The following TRHDE variants were observed in gnomAD, a reference collection of about 807,000 sequenced individuals.
TRHDE encodes the protein thyrotropin releasing hormone degrading enzyme.
In TRHDE, 72 loss-of-function variants were observed where a neutral mutation model predicts 125.7. The observed-to-expected ratio is 0.57, with a 90% CI of 0.47 to 0.70. TRHDE has a LOEUF of 0.70. Ranked by LOEUF, TRHDE falls within the 30% of genes least tolerant of loss-of-function variation. The pLI, the probability that TRHDE is intolerant of heterozygous loss-of-function variation, is 0.00. For missense variants in TRHDE, 1,110 were observed against 1,327.1 expected, an observed-to-expected ratio of 0.84 and a Z score of 2.54; for synonymous variants, 509 against 509.1, an observed-to-expected ratio of 1.00 and a Z score of 0.00.
intron 15 of TRHDE, among the ~76,000 whole-genome samples, chr12:72,639,018 A>C (rs1408697579): frequency 6.7e-6 from 1 of 150,304 alleles, no homozygotes; most frequent in Non-Finnish European, 1.5e-5. Flanking sequence ...TCTTTGTGGC[A>C]TTCTCTGTAT....
intron 5 of TRHDE, among the ~76,000 whole-genome samples, chr12:72,478,753 G>A (rs1486648938): frequency 6.6e-6 from 1 of 151,978 alleles, no homozygotes; most frequent in East Asian, 1.9e-4. Flanking sequence ...TGTACACTGA[G>A]TATATGCTTG....
chr12:72,620,338 C>CAAAAAA (rs3080963), intron 13 of TRHDE, among the ~76,000 whole-genome samples: 7 of 67,476 alleles, frequency 1.0e-4, no homozygotes, highest in Admixed American at 1.7e-4. Context: ...CCCATCTCTA[C>CAAAAAA]AAAAAAAAAA....
intron 15 of TRHDE, among the ~76,000 whole-genome samples, chr12:72,650,280 A>G (rs768024967): frequency 1.3e-5 from 2 of 152,126 alleles, no homozygotes; most frequent in Admixed American, 6.6e-5. Context: ...CCAGTCACAG[A>G]AAGACAGTTA....
At chr12:72,148,107 G>A (rs900445124) in intron 2 of TRHDE, among the ~76,000 whole-genome samples, 1 of 152,174 alleles carries the variant, frequency 6.6e-6, no homozygotes, top group African/African-American at 2.4e-5. Context: ...TTTTAGATGT[G>A]ACAAAAAGAT....
chr12:72,669,472 C>T lies in TRHDE; in HGVS notation c.*6277C>T, dbSNP rs553830602. On this transcript the variant is annotated 3_prime_UTR_variant, in exon 19 of 19. Coordinates refer to ENST00000261180, the MANE Select transcript of TRHDE (RefSeq NM_013381.3). Reference sequence around the variant, plus strand: ...CATATAAGTAAAGGAAAGAGTGAAACGTTTTATAGAAAATATTACAGTGGA... The same window carrying T: ...CATATAAGTAAAGGAAAGAGTGAAATGTTTTATAGAAAATATTACAGTGGA... 8 of 151,744 alleles carry T rather than the reference C, an allele frequency of 5.3e-5. No individual in the cohort carries two copies. In the East Asian group the frequency reaches 5.9e-4, roughly 11 times the overall value. 9.4% of individuals were successfully genotyped at this position (151,744 alleles called of 1,614,324 possible).
intron 2 of TRHDE, chr12:72,255,559 A>G (rs1027331505): frequency 2.0e-5 from 3 of 152,222 alleles, no homozygotes; most frequent in African/African-American, 7.2e-5. Context: ...CCCGCCCTCC[A>G]CCACAGGGGC....
At chr12:72,298,101 G>T (rs1226696627) in intron 2 of TRHDE, among the ~76,000 whole-genome samples, 1 of 152,146 alleles carries the variant, frequency 6.6e-6, no homozygotes, top group South Asian at 2.1e-4. Context: ...CTGCCCTGAG[G>T]TTTAAGAGTC....
rs377580999 is a variant in TRHDE at position 72,213,364 on chromosome 12, A to C, written n.279+107612A>C. On this transcript the variant is annotated intron_variant and non_coding_transcript_variant, in intron 2 of 4. Transcript: ENST00000548156. ...ACTGCAAATGAATTATATATCAATAAAGCTGTTAAAAGTATCTTTTGAGTG... is the reference window on the plus strand; with the variant it reads ...ACTGCAAATGAATTATATATCAATACAGCTGTTAAAAGTATCTTTTGAGTG... 5.9e-5 allele frequency among the ~76,000 whole-genome samples: 9 copies of C among 152,154 alleles called. No homozygotes were observed. The East Asian group carries it at 9.6e-4, about 16-fold the overall frequency.
intron 4 of TRHDE, among the ~76,000 whole-genome samples, chr12:72,470,624 G>T (rs907112984): frequency 6.6e-6 from 1 of 152,212 alleles, no homozygotes; most frequent in Admixed American, 6.5e-5. Flanking sequence ...AGTGATACCT[G>T]TCCTGGTTAC....
chr12:72,517,751 G>A (rs1878954018), intron 6 of TRHDE, among the ~76,000 whole-genome samples: 1 of 151,092 alleles, frequency 6.6e-6, no homozygotes, highest in South Asian at 2.1e-4. Flanking sequence ...TGTCAATTTT[G>A]GATCTTTCCT....
intron 2 of TRHDE, among the ~76,000 whole-genome samples, chr12:72,187,348 C>T (rs1330891542): frequency 6.7e-6 from 1 of 148,524 alleles, no homozygotes; most frequent in Non-Finnish European, 1.5e-5. Flanking sequence ...CACACACACA[C>T]ACACACACAC....
intron 2 of TRHDE, chr12:72,255,856 T>C (rs1236285726): frequency 1.3e-5 from 2 of 152,176 alleles, no homozygotes; most frequent in Non-Finnish European, 2.9e-5. Context: ...ACTTCATCCA[T>C]CTAGCTGCTC....
At chr12:72,173,035 T>C (rs1181496551) in intron 2 of TRHDE, among the ~76,000 whole-genome samples, 1 of 152,220 alleles carries the variant, frequency 6.6e-6, no homozygotes, top group Non-Finnish European at 1.5e-5. Flanking sequence ...GCACTTAAAA[T>C]TTTTATTCTT....
At chr12:72,578,246 A>C (rs1871088814) in intron 12 of TRHDE, among the ~76,000 whole-genome samples, 1 of 152,116 alleles carries the variant, frequency 6.6e-6, no homozygotes. Context: ...TTACTTGTTG[A>C]CATTTTATAG....
chr12:72,091,174 G>A (rs572202556), intron 1 of TRHDE, among the ~76,000 whole-genome samples: 56 of 152,162 alleles, frequency 3.7e-4, no homozygotes, highest in Admixed American at 4.6e-4. Context: ...GTGCCAGGCC[G>A]AATTTATTAG....
At chr12:72,625,022 TG>T (rs1275706734) in intron 15 of TRHDE, among the ~76,000 whole-genome samples, 1 of 151,864 alleles carries the variant, frequency 6.6e-6, no homozygotes, top group Non-Finnish European at 1.5e-5. Flanking sequence ...TTTCACTGGT[TG>T]GTGCAAATAA....
chr12:72,309,140 T>G (rs1473826749), intron 2 of TRHDE, among the ~76,000 whole-genome samples: 1 of 152,192 alleles, frequency 6.6e-6, no homozygotes, highest in East Asian at 1.9e-4. Context: ...CTACTCCCTC[T>G]GTTTCCAGTC....
chr12:72,156,099 C>T (rs533980587), intron 2 of TRHDE, among the ~76,000 whole-genome samples: 20 of 151,362 alleles, frequency 1.3e-4, no homozygotes, highest in Non-Finnish European at 2.2e-4. Flanking sequence ...CAGTGGCGGG[C>T]GCCCCTCCCC....
intron 12 of TRHDE, among the ~76,000 whole-genome samples, chr12:72,601,984 AT>A (rs1592565482): frequency 1.3e-5 from 2 of 152,262 alleles, no homozygotes; most frequent in African/African-American, 4.8e-5. Flanking sequence ...TGTTCTTAGG[AT>A]TAAAATAAAA....
Sources: gnomAD v4.1 joint callset for allele counts (sites outside exome capture counted in the v4.1 genomes callset) on GRCh38, gnomAD v4.1.1 for gene constraint, MANE v1.5 for transcripts, NCBI Gene and HGNC (gene_info 2026-07-23, HGNC 2026-07-21) for gene names.